The following CADPS2 variants were observed in gnomAD, a reference collection of about 807,000 sequenced individuals.
The protein encoded by CADPS2 is calcium-dependent secretion activator 2.
Under a neutral mutation model 172.5 loss-of-function variants are expected in CADPS2, and 93 were observed. The observed-to-expected ratio is 0.54, with a 90% confidence interval of 0.46 to 0.64. CADPS2 has a LOEUF of 0.64. CADPS2 is among the 30% of genes least tolerant of loss of function. CADPS2 has a pLI of 0.00. For missense variants in CADPS2, 1,420 were observed against 1,565.9 expected, an observed-to-expected ratio of 0.91 and a Z score of 1.57; for synonymous variants, 546 against 555.2, an observed-to-expected ratio of 0.98 and a Z score of 0.23.
chr7:122,530,064 C>T (rs2061625968), intron 8 of CADPS2, among the ~76,000 whole-genome samples: 1 of 151,956 alleles, frequency 6.6e-6, no homozygotes, highest in Non-Finnish European at 1.5e-5. Flanking sequence ...CAGTTTAGAA[C>T]AGAAGATATC....
chr7:122,642,538 C>T (rs527493779), intron 3 of CADPS2, among the ~76,000 whole-genome samples: 1 of 100,510 alleles, frequency 9.9e-6, no homozygotes, highest in Non-Finnish European at 1.9e-5. Flanking sequence ...TACTAAGTTT[C>T]ACCCAACAGC....
intron 8 of CADPS2, among the ~76,000 whole-genome samples, chr7:122,520,603 TTC>T (rs1183632293): frequency 2.0e-5 from 3 of 152,092 alleles, no homozygotes; most frequent in African/African-American, 7.2e-5. Flanking sequence ...ATAGCTAATA[TTC>T]TCTATGCCAG....
chr7:122,616,216 C>T (rs539270550), intron 5 of CADPS2, among the ~76,000 whole-genome samples: 1 of 151,992 alleles, frequency 6.6e-6, no homozygotes. Context: ...TATATATGTA[C>T]ATTGATGTCT....
At chr7:122,608,594 T>C (rs941423907) in intron 6 of CADPS2, among the ~76,000 whole-genome samples, 1 of 152,200 alleles carries the variant, frequency 6.6e-6, no homozygotes, top group Admixed American at 6.5e-5. Context: ...TCTATCATAA[T>C]ATCCATAAAT....
rs1483340573 is a variant in CADPS2, at chr7:122,366,099, T to C, written c.3388-5086A>G. Among the ~76,000 whole-genome samples the C allele has an allele frequency of 4.6e-5, 7 of 151,108 alleles. No homozygotes were observed. The East Asian group carries it at 1.4e-3, about 29-fold the overall frequency. On this transcript the variant is annotated intron_variant, in intron 25 of 29. Coordinates refer to ENST00000449022, the MANE Select transcript of CADPS2 (RefSeq NM_017954.11). ...GTGGGGGAGGATGGGATAGCTGTTT[T>C]GTTTTTTTTTTTGTTAAGATCAGGA...
At chr7:122,320,653 T>C (rs1332008510) in intron 29 of CADPS2, among the ~76,000 whole-genome samples, 1 of 152,214 alleles carries the variant, frequency 6.6e-6, no homozygotes, top group Non-Finnish European at 1.5e-5. Context: ...AAATAAAATA[T>C]GTACCTGTGT....
Position 122,883,781 on chromosome 7 carries a change from A to C in CADPS2, c.339+2218T>G, listed in dbSNP as rs540679960. Among the ~76,000 whole-genome samples, 13 of 152,332 alleles carry C rather than the reference A, an allele frequency of 8.5e-5. No homozygotes were observed. The South Asian group carries it at 2.7e-3, about 32-fold the overall frequency. ...AAAATAAAAGTAATTCACAAAAGTT[A>C]ACCTGTGCTCAATGCTCTAAGCATT... On this transcript the variant is annotated intron_variant, in intron 1 of 29. Transcript: ENST00000449022.
chr7:122,663,892 T>C (rs2080887357), intron 2 of CADPS2, among the ~76,000 whole-genome samples: 1 of 152,146 alleles, frequency 6.6e-6, no homozygotes, highest in Non-Finnish European at 1.5e-5. Context: ...CGTGCTCTTA[T>C]ACACAGACTC....
chr7:122,820,838 C>T (rs62482479), intron 1 of CADPS2, among the ~76,000 whole-genome samples: 1 of 138,900 alleles, frequency 7.2e-6, no homozygotes, highest in Non-Finnish European at 1.6e-5. Flanking sequence ...GGATTACAGG[C>T]GTGAGCCACC....
At chr7:122,702,952 G>T in intron 2 of CADPS2, 1 of 517,054 alleles carries the variant, frequency 1.9e-6, no homozygotes, top group South Asian at 3.0e-5. Flanking sequence ...AAAATAACAA[G>T]ACTTGTGATT....
intron 8 of CADPS2, among the ~76,000 whole-genome samples, chr7:122,542,174 G>C (rs933895095): frequency 1.3e-5 from 2 of 151,932 alleles, no homozygotes. Context: ...GAAGAAGGGA[G>C]GCACAGGGAG....
intron 6 of CADPS2, among the ~76,000 whole-genome samples, chr7:122,592,014 G>A (rs2070888662): frequency 6.6e-6 from 1 of 152,088 alleles, no homozygotes; most frequent in Non-Finnish European, 1.5e-5. Context: ...AAGAGCTTCT[G>A]CACAGCAAAA....
In CADPS2 at chr7:122,681,598, G is replaced by A. The variant is rs377034930; in HGVS notation, c.454-18029C>T. The A allele has an allele frequency of 2.1e-4, 309 of 1,493,726 alleles. 2 individuals carry two copies. The East Asian group carries it at 3.5e-3, about 17-fold the overall frequency. The allele number at this position is 1,493,726 out of a possible 1,614,324, so 92.5% of individuals were successfully genotyped here. A position where few individuals can be genotyped will look rare whatever the true frequency, so the allele number is the denominator to read the frequency against. On this transcript the variant is annotated intron_variant, in intron 2 of 29. Transcript: ENST00000449022. Reference sequence around the variant, plus strand: ...CGATCTCGTGAAGCCCGCAAGGACCGAACACCCCCACCCAGATTTAGACCT... The same window carrying A: ...CGATCTCGTGAAGCCCGCAAGGACCAAACACCCCCACCCAGATTTAGACCT...
intron 28 of CADPS2, among the ~76,000 whole-genome samples, chr7:122,337,028 G>T (rs1362539247): frequency 6.6e-6 from 1 of 152,120 alleles, no homozygotes; most frequent in African/African-American, 2.4e-5. Context: ...ATTAGTCACA[G>T]CTAATTAGTG....
intron 7 of CADPS2, among the ~76,000 whole-genome samples, chr7:122,571,454 T>G (rs17144588): frequency 0.16 from 23,588 of 152,026 alleles, 2,370 homozygotes; most frequent in African/African-American, 0.28. Flanking sequence ...GTGCATAATA[T>G]GATCAGCCCC....
chr7:122,331,655 C>CA (rs2034972971), intron 28 of CADPS2, among the ~76,000 whole-genome samples: 1 of 144,110 alleles, frequency 6.9e-6, no homozygotes, highest in East Asian at 2.0e-4. Flanking sequence ...CAAAACAAAA[C>CA]AAAAAAACAA....
At chr7:122,465,919 G>A (rs577888610) in intron 14 of CADPS2, among the ~76,000 whole-genome samples, 3 of 152,232 alleles carry the variant, frequency 2.0e-5, no homozygotes, top group South Asian at 2.1e-4. Flanking sequence ...AAACTGGGAC[G>A]GCAATGGTAG....
At chr7:122,871,185 A>G (rs566214855) in intron 1 of CADPS2, among the ~76,000 whole-genome samples, 18 of 138,840 alleles carry the variant, frequency 1.3e-4, no homozygotes, top group East Asian at 4.0e-4. Context: ...CAGTGCTGGG[A>G]AAAAAAAAAA....
intron 7 of CADPS2, among the ~76,000 whole-genome samples, chr7:122,575,528 C>T (rs1563751307): frequency 6.6e-6 from 1 of 151,782 alleles, no homozygotes; most frequent in Admixed American, 6.6e-5. Context: ...CCTCCCCCTC[C>T]AGGGTTCAAG....
Sources: gnomAD v4.1 joint callset for allele counts (sites outside exome capture counted in the v4.1 genomes callset) on GRCh38, gnomAD v4.1.1 for gene constraint, MANE v1.5 for transcripts, NCBI Gene and HGNC (gene_info 2026-07-23, HGNC 2026-07-21) for gene names.